The following RFX3 variants were observed in gnomAD, a reference collection of about 807,000 sequenced individuals.
RFX3 encodes transcription factor RFX3.
RFX3 carries 14 observed loss-of-function variants against 98.6 expected under a neutral mutation model. The ratio of observed to expected loss-of-function variants is 0.14; its 90% confidence interval spans 0.09 to 0.22. The LOEUF is 0.22. Among genes scored for constraint, RFX3 ranks in the 10% least tolerant of loss-of-function variants. The pLI, the probability that RFX3 is intolerant of heterozygous loss-of-function variation, is 1.00. For missense variants in RFX3, 639 were observed against 926.9 expected (o/e 0.69, Z 4.03); for synonymous variants, 383 against 328.4 (o/e 1.17, Z -1.80).
intron 2 of RFX3, among the ~76,000 whole-genome samples, chr9:3,373,434 G>C (rs1838082086): frequency 6.6e-6 from 1 of 152,070 alleles, no homozygotes; most frequent in Non-Finnish European, 1.5e-5. Context: ...GATCTTTAAA[G>C]ATTTCTTTGA....
At chr9:3,299,558 A>G (rs1828399761) in intron 5 of RFX3, among the ~76,000 whole-genome samples, 1 of 151,700 alleles carries the variant, frequency 6.6e-6, no homozygotes. Flanking sequence ...CCACTGCACA[A>G]TCAACATTTG....
intron 4 of RFX3, among the ~76,000 whole-genome samples, chr9:3,314,361 T>C (rs1199818928): frequency 6.6e-6 from 1 of 152,166 alleles, no homozygotes; most frequent in Non-Finnish European, 1.5e-5. Flanking sequence ...TTACAAGAGC[T>C]GCTGAAGGAA....
At chr9:3,421,019 CAAA>C (rs145747158) in intron 1 of RFX3, 564 of 180,690 alleles carry the variant, frequency 3.1e-3, no homozygotes, top group Middle Eastern at 5.6e-3. Context: ...TACTATGTGC[CAAA>C]AAAAAAAAAA....
chr9:3,354,954 A>T (rs1835576341), intron 2 of RFX3, among the ~76,000 whole-genome samples: 1 of 151,940 alleles, frequency 6.6e-6, no homozygotes, highest in Admixed American at 6.6e-5. Flanking sequence ...AAATGCAGGA[A>T]TGACAAAAAT....
intron 1 of RFX3, among the ~76,000 whole-genome samples, chr9:3,405,026 T>C (rs1841828786): frequency 6.6e-6 from 1 of 152,166 alleles, no homozygotes; most frequent in African/African-American, 2.4e-5. Flanking sequence ...TCTATGACCT[T>C]TTCTTATTTT....
intron 2 of RFX3, among the ~76,000 whole-genome samples, chr9:3,370,685 T>C (rs1027286027): frequency 1.3e-5 from 2 of 152,158 alleles, no homozygotes. Context: ...TGCACTTTAC[T>C]GTAAATAAAT....
chr9:3,265,225 T>C (rs1040456227), intron 12 of RFX3, among the ~76,000 whole-genome samples: 2 of 152,212 alleles, frequency 1.3e-5, no homozygotes, highest in Non-Finnish European at 2.9e-5. Context: ...TTTCACTTAA[T>C]TTAAAATTCT....
intron 3 of RFX3, among the ~76,000 whole-genome samples, chr9:3,341,452 T>G (rs996896451): frequency 3.3e-5 from 5 of 151,984 alleles, no homozygotes; most frequent in Non-Finnish European, 1.5e-5. Flanking sequence ...AGGTCATCAA[T>G]GACCTTGATA....
chr9:3,340,351 T>G (rs189662259), intron 3 of RFX3, among the ~76,000 whole-genome samples: 1 of 152,266 alleles, frequency 6.6e-6, no homozygotes, highest in Non-Finnish European at 1.5e-5. Flanking sequence ...GGGCAAGGAC[T>G]TCATGTCTAA....
At position 3,293,127 on chromosome 9, in the gene RFX3, T is replaced by C. The variant is rs755245415; in HGVS notation, c.681A>G (p.Lys227=). ...GCCCCATAAAAATTGATCTTATTAA[T>C]TTTCCAAAAGAGGCAGCATTGACTG... ...LDPVNAASFG[K]LIRSIFMGLR... Residue 227 remains lysine (K), a synonymous_variant, in exon 6 of 17, where the codon AAA becomes AAG. Transcript: ENST00000617270. 5 of 1,613,578 alleles carry C rather than the reference T, an allele frequency of 3.1e-6. No homozygotes were observed. In the South Asian group the frequency reaches 5.5e-5, roughly 18 times the overall value.
chr9:3,261,813 T>C (rs1016953967), intron 13 of RFX3, among the ~76,000 whole-genome samples: 1 of 152,156 alleles, frequency 6.6e-6, no homozygotes, highest in Non-Finnish European at 1.5e-5. Flanking sequence ...TAGGGTATGT[T>C]ATTATATGTC....
At chr9:3,410,926 T>A (rs1334995833) in intron 1 of RFX3, among the ~76,000 whole-genome samples, 2 of 152,184 alleles carry the variant, frequency 1.3e-5, no homozygotes, top group Admixed American at 6.5e-5. Flanking sequence ...AAGCAGTATT[T>A]CTGTAATATA....
chr9:3,346,592 T>G, intron 3 of RFX3, 75 bp downstream of exon 3: 2 of 873,316 alleles, frequency 2.3e-6, no homozygotes, highest in East Asian at 4.9e-5. Flanking sequence ...AATCTGGGAA[T>G]AGTGGGAGGT....
intron 16 of RFX3, among the ~76,000 whole-genome samples, chr9:3,225,989 T>C (rs1356236109): frequency 6.6e-6 from 1 of 152,178 alleles, no homozygotes; most frequent in Non-Finnish European, 1.5e-5. Flanking sequence ...TACCCCCAAA[T>C]TGTAATACGT....
chr9:3,222,688 C>T lies in RFX3; in HGVS notation c.*2354G>A, dbSNP rs1312087295. 1 of 152,096 alleles carries T rather than the reference C, an allele frequency of 6.6e-6. No individual in the cohort carries two copies. Among genetic ancestry groups the T allele is most frequent in the African/African-American group, 2.4e-5 (1 of 41,432 alleles). The allele number at this position is 152,096 out of a possible 1,614,324, so 9.4% of individuals were successfully genotyped here. The stretch of plus-strand genomic sequence containing the variant: ...TTTTAATTTTACCTGTAAACACTTC[C>T]TATGCACAATGAAGTAGATACATGA... On this transcript the variant is annotated 3_prime_UTR_variant, in exon 17 of 17. Transcript: ENST00000617270.
intron 2 of RFX3, among the ~76,000 whole-genome samples, chr9:3,350,806 T>C (rs969531908): frequency 2.0e-5 from 3 of 152,086 alleles, no homozygotes; most frequent in African/African-American, 7.2e-5. Flanking sequence ...ATGAGAGAAC[T>C]TGAATGCGTA....
chr9:3,495,665 A>G (rs1331325608), intron 1 of RFX3, among the ~76,000 whole-genome samples: 1 of 152,084 alleles, frequency 6.6e-6, no homozygotes, highest in Non-Finnish European at 1.5e-5. Flanking sequence ...CTCTAAAAGT[A>G]TCACTTTAGC....
At chr9:3,380,755 A>C (rs1839099165) in intron 2 of RFX3, among the ~76,000 whole-genome samples, 1 of 152,232 alleles carries the variant, frequency 6.6e-6, no homozygotes, top group South Asian at 2.1e-4. Context: ...TTAAGCTCAA[A>C]CATTAACAAT....
intron 12 of RFX3, among the ~76,000 whole-genome samples, chr9:3,264,159 C>T (rs1823306058): frequency 6.6e-6 from 1 of 152,094 alleles, no homozygotes; most frequent in Admixed American, 6.6e-5. Context: ...GTTGCCTGTT[C>T]AGACCCTGAA....
Sources: allele counts gnomAD v4.1 joint callset (sites outside exome capture counted in the v4.1 genomes callset), GRCh38; gene constraint gnomAD v4.1.1; transcripts MANE v1.5; gene names NCBI Gene and HGNC (gene_info 2026-07-23, HGNC 2026-07-21).